Variants in COX7A2 observed in about 807,000 individuals in gnomAD.
The protein encoded by COX7A2 is cytochrome c oxidase subunit 7A2, mitochondrial.
COX7A2 carries 11 observed loss-of-function variants against 11.6 expected under a neutral mutation model. The observed-to-expected ratio is 0.95, with a 90% CI of 0.60 to 1.57. The LOEUF is 1.57. Among genes scored for constraint, COX7A2 ranks in the 40% most tolerant of loss-of-function variants. The pLI, the probability that COX7A2 is intolerant of heterozygous loss-of-function variation, is 0.00. For synonymous variants in COX7A2, 30 were observed against 38.2 expected (o/e 0.78, Z 0.79); for missense variants, 106 against 100.9 (o/e 1.05, Z -0.22).
At chr6:75,243,239 T>C (rs957471015) in intron 1 of COX7A2, among the ~76,000 whole-genome samples, 1 of 152,194 alleles carries the variant, frequency 6.6e-6, no homozygotes, top group Admixed American at 6.5e-5. Flanking sequence ...GCCATGACTA[T>C]TCCTAAAGTT....
upstream of COX7A2, among the ~76,000 whole-genome samples, chr6:75,247,637 A>G (rs933239294): frequency 6.6e-6 from 1 of 152,088 alleles, no homozygotes; most frequent in African/African-American, 2.4e-5. Flanking sequence ...TCTGACTCTA[A>G]AGTCCTTATG....
Position 75,241,182 on chromosome 6 carries a change from C to T in COX7A2, c.102G>A (p.Leu34=). ...CTATAAAATACTTCAGTACCTGGAACAGTTTTTGCTTCTCCGGAACTTTAT... is the reference window on the plus strand; with the variant it reads ...CTATAAAATACTTCAGTACCTGGAATAGTTTTTGCTTCTCCGGAACTTTAT... ...FKNKVPEKQK[L]FQEDDEIPLY... Residue 34 remains leucine, a synonymous_variant, in exon 2 of 4, where the codon CTG becomes CTA. Transcript: ENST00000684430. 1.3e-6 allele frequency: 2 copies of T among 1,597,868 alleles called. No homozygotes were observed. The highest frequency in any genetic ancestry group is 1.1e-5 in the South Asian group (1 of 89,326).
rs56897555 is a variant in COX7A2 at position 75,240,393 on chromosome 6, TAAAAAA to T, written c.109-14_109-9del. ...TGGAATTTCATCATCCTCCTAGATT[TAAAAAA>T]AAAAAAAAAAGACAATAATAAATGT... On this transcript the variant is annotated splice_polypyrimidine_tract_variant and intron_variant, in intron 2 of 3. Coordinates refer to ENST00000684430, the MANE Select transcript of COX7A2 (RefSeq NM_001366293.2). 3.3e-6 allele frequency: 4 copies of T among 1,216,176 alleles called. No homozygotes were observed. The highest frequency in any genetic ancestry group is 4.5e-6 in the Non-Finnish European group (4 of 889,614). The allele number at this position is 1,216,176 out of a possible 1,614,324, so 75.3% of individuals were successfully genotyped here. A position where few individuals can be genotyped will look rare whatever the true frequency, so the allele number is the denominator to read the frequency against.
intron 3 of COX7A2, among the ~76,000 whole-genome samples, chr6:75,239,704 T>C (rs1364114674): frequency 6.6e-6 from 1 of 152,252 alleles, no homozygotes; most frequent in Non-Finnish European, 1.5e-5. Flanking sequence ...TGGGATATAA[T>C]GGATGTTTTT....
chr6:75,240,530 AC>A (rs1771466943), intron 2 of COX7A2, 145 bp from the exon 3 acceptor site: 1 of 574,908 alleles, frequency 1.7e-6, no homozygotes, highest in African/African-American at 1.9e-5. Flanking sequence ...TAAAAGACCT[AC>A]AATTTTCTTT....
At chr6:75,249,576 T>A (rs1771749087) in intron 1 of COX7A2, among the ~76,000 whole-genome samples, 1 of 152,176 alleles carries the variant, frequency 6.6e-6, no homozygotes, top group African/African-American at 2.4e-5. Context: ...AATAACTCAA[T>A]AAATATTTAC....
chr6:75,242,592 C>A (rs993191231), intron 1 of COX7A2, among the ~76,000 whole-genome samples: 13 of 53,208 alleles, frequency 2.4e-4, no homozygotes, highest in African/African-American at 9.8e-4. Context: ...GAGGCTGAGG[C>A]GGGCGGATCA....
At chr6:75,247,564 A>G (rs1254494524), upstream of COX7A2, among the ~76,000 whole-genome samples, 1 of 146,322 alleles carries the variant, frequency 6.8e-6, no homozygotes, top group Non-Finnish European at 1.5e-5. Context: ...AAATACTTTA[A>G]TTGCAAGCCT....
upstream of COX7A2, among the ~76,000 whole-genome samples, chr6:75,245,567 A>G (rs79332935): frequency 0.027 from 4,121 of 152,090 alleles, 174 homozygotes; most frequent in African/African-American, 0.094. Flanking sequence ...CATGTTATTC[A>G]GTACAATTTC....
upstream of COX7A2, among the ~76,000 whole-genome samples, chr6:75,246,934 A>G (rs1771692098): frequency 6.6e-6 from 1 of 152,186 alleles, no homozygotes; most frequent in African/African-American, 2.4e-5. Context: ...TCAAAGTAGA[A>G]TGCTTTCCAA....
upstream of COX7A2, chr6:75,243,931 C>T: frequency 9.7e-7 from 1 of 1,034,248 alleles, no homozygotes; most frequent in Non-Finnish European, 1.4e-6. Flanking sequence ...TCCGCTCTAG[C>T]CGGCTCGCCG....
chr6:75,241,407 A>T (rs1771497034), intron 1 of COX7A2, 142 bp from the exon 2 acceptor site: 2 of 642,556 alleles, frequency 3.1e-6, no homozygotes, highest in Non-Finnish European at 4.9e-6. Flanking sequence ...ATGCAAGAGC[A>T]TCCAGGTTTT....
At chr6:75,241,740 G>C (rs1156759082) in intron 1 of COX7A2, 1 of 152,494 alleles carries the variant, frequency 6.6e-6, no homozygotes, top group Non-Finnish European at 1.5e-5. Flanking sequence ...CCTGAAGTCA[G>C]GAGTTCGAGA....
rs1418382363 is a variant in COX7A2, at chr6:75,237,908, G to A, written c.*22C>T. 8.1e-6 allele frequency: 13 copies of A among 1,600,822 alleles called. No homozygotes were observed. The highest frequency in any genetic ancestry group is 1.0e-5 in the Non-Finnish European group (12 of 1,169,678). On this transcript the variant is annotated 3_prime_UTR_variant, in exon 4 of 4. Coordinates refer to ENST00000684430, the MANE Select transcript of COX7A2 (RefSeq NM_001366293.2). ...AGAGAGCTGAATGAAACTGAACCAA[G>A]CGATTGCTGGGATGACTGAAGTCAC...
chr6:75,244,172 TA>T (rs1255210344), upstream of COX7A2, among the ~76,000 whole-genome samples: 9 of 152,320 alleles, frequency 5.9e-5, no homozygotes, highest in Admixed American at 5.2e-4. Flanking sequence ...TTGGCCGAAA[TA>T]CAGCTCTGAA....
upstream of COX7A2, among the ~76,000 whole-genome samples, chr6:75,244,372 CCA>C (rs1415971829): frequency 1.3e-5 from 2 of 152,152 alleles, no homozygotes; most frequent in African/African-American, 4.8e-5. Flanking sequence ...AGAAGTTCTT[CCA>C]CAGTGTCCCC....
chr6:75,249,688 C>T (rs1771750506), intron 1 of COX7A2, among the ~76,000 whole-genome samples: 1 of 152,164 alleles, frequency 6.6e-6, no homozygotes, highest in Admixed American at 6.5e-5. Context: ...TGGGGAATTG[C>T]AAATGGTTTG....
At chr6:75,243,084 A>G (rs1425280747) in intron 1 of COX7A2, among the ~76,000 whole-genome samples, 1 of 152,184 alleles carries the variant, frequency 6.6e-6, no homozygotes, top group Non-Finnish European at 1.5e-5. Context: ...AATGAAGCAA[A>G]ACTTCATTAA....
intron 1 of COX7A2, among the ~76,000 whole-genome samples, chr6:75,249,032 CAGATCACGAGGTCAAG>C: frequency 6.6e-6 from 1 of 152,210 alleles, no homozygotes; most frequent in South Asian, 2.1e-4. Flanking sequence ...CCGAGGCGGG[CAGATCACGAGGTCAAG>C]AGATCGAGAC....
Sources: allele counts gnomAD v4.1 joint callset (sites outside exome capture counted in the v4.1 genomes callset), GRCh38; gene constraint gnomAD v4.1.1; transcripts MANE v1.5; gene names NCBI Gene and HGNC (gene_info 2026-07-23, HGNC 2026-07-21).